The following SYN2 variants were observed in gnomAD, a reference collection of about 807,000 sequenced individuals.
The protein encoded by SYN2 is synapsin-2.
A neutral mutation model predicts 50.9 loss-of-function variants in SYN2; 19 were observed. The observed-to-expected ratio is 0.37, with a 90% CI of 0.26 to 0.55. The LOEUF is 0.55. SYN2 is among the 20% of genes least tolerant of loss of function. The pLI is 0.81. For missense variants in SYN2, 587 were observed against 576.4 expected, an observed-to-expected ratio of 1.02 and a Z score of -0.19; for synonymous variants, 255 against 224.9, an observed-to-expected ratio of 1.13 and a Z score of -1.20.
intron 1 of SYN2, among the ~76,000 whole-genome samples, chr3:12,062,382 T>A (rs1042865955): frequency 2.0e-5 from 3 of 151,972 alleles, no homozygotes; most frequent in African/African-American, 7.2e-5. Flanking sequence ...AAATCTGAAA[T>A]TTAAAACTAG....
chr3:12,149,917 A>T (rs1159247743), intron 4 of SYN2, among the ~76,000 whole-genome samples: 2 of 152,232 alleles, frequency 1.3e-5, no homozygotes, highest in African/African-American at 2.4e-5. Flanking sequence ...TGAGGAACTG[A>T]TCAAATTTAA....
At chr3:12,174,702 G>A (rs553193502) in intron 10 of SYN2, among the ~76,000 whole-genome samples, 5 of 152,056 alleles carry the variant, frequency 3.3e-5, no homozygotes, top group African/African-American at 1.2e-4. Context: ...AGATGGTCTC[G>A]ATCTCCTGAC....
At chr3:12,045,306 A>G (rs962310084) in intron 1 of SYN2, among the ~76,000 whole-genome samples, 2 of 152,162 alleles carry the variant, frequency 1.3e-5, no homozygotes, top group Non-Finnish European at 2.9e-5. Context: ...AGTTTTTCTG[A>G]TGCAGTAAAA....
In SYN2 at chr3:12,169,922, G is replaced by A. The variant is rs1299127171; in HGVS notation, c.1308+16G>A. 2 of 1,595,392 alleles carry A rather than the reference G, an allele frequency of 1.3e-6. No homozygotes were observed. The highest frequency in any genetic ancestry group is 1.8e-5 in the Admixed American group (1 of 57,050). On this transcript the variant is annotated intron_variant, in intron 10 of 12. Coordinates refer to ENST00000621198, the MANE Select transcript of SYN2 (RefSeq NM_133625.6). ...GCAGCCACAGGTAAGCAGCTAGGAA[G>A]AGACATAGCAGAGCCAAGAACCATT...
Position 12,035,840 on chromosome 3 carries a change from C to T in SYN2, c.377+30912C>T, listed in dbSNP as rs73135655. On this transcript the variant is annotated intron_variant, in intron 1 of 12. Coordinates refer to ENST00000621198, the MANE Select transcript of SYN2 (RefSeq NM_133625.6). The stretch of plus-strand genomic sequence containing the variant: ...ATGGTGGAAGACAGAGTTCAGTCCT[C>T]ATTTCCTCTTTGTCTGAGGTCTGCA... Among the ~76,000 whole-genome samples, 1,173 of 152,290 alleles carry T rather than the reference C, an allele frequency of 7.7e-3. 11 individuals are homozygous for T. Among genetic ancestry groups the T allele is most frequent in the African/African-American group, 0.027 (1,115 of 41,562 alleles).
In SYN2 at chr3:12,191,111, C is replaced by A; in HGVS notation, c.*486C>A. 2 of 986,606 alleles carry A rather than the reference C, an allele frequency of 2.0e-6. No homozygotes were observed. The highest frequency in any genetic ancestry group is 2.4e-6 in the Non-Finnish European group (2 of 830,784). 61.1% of individuals were successfully genotyped at this position (986,606 alleles called of 1,614,324 possible). A position where few individuals can be genotyped will look rare whatever the true frequency, so the allele number is the denominator to read the frequency against. On this transcript the variant is annotated 3_prime_UTR_variant, in exon 13 of 13. Transcript: ENST00000621198. ...TAGGAACTTTCCCCGACCTGGATCC[C>A]TTGTCATACCTGTGTTACTGTTTAA...
chr3:12,048,909 G>T (rs1181750568), intron 1 of SYN2, among the ~76,000 whole-genome samples: 1 of 152,112 alleles, frequency 6.6e-6, no homozygotes, highest in African/African-American at 2.4e-5. Context: ...TCATTATATC[G>T]TTGGTTTATG....
At chr3:12,041,876 A>G (rs1291266041) in intron 1 of SYN2, among the ~76,000 whole-genome samples, 4 of 152,170 alleles carry the variant, frequency 2.6e-5, no homozygotes, top group Admixed American at 2.6e-4. Flanking sequence ...AGTCCTCCAG[A>G]TATAATATTC....
chr3:12,004,506 G>C lies in SYN2; in HGVS notation c.-46G>C. The C allele has an allele frequency of 2.1e-6, 1 of 482,972 alleles. No individual in the cohort carries two copies. The allele number at this position is 482,972 out of a possible 1,614,324, so 29.9% of individuals were successfully genotyped here. A position where few individuals can be genotyped will look rare whatever the true frequency, so the allele number is the denominator to read the frequency against. Reference sequence around the variant, plus strand: ...CCTTCCGCCCTCGCTCTCCCTCCGCGCCACCAGACCCCGTAGCCCCGCGCG... The same window carrying C: ...CCTTCCGCCCTCGCTCTCCCTCCGCCCCACCAGACCCCGTAGCCCCGCGCG... On this transcript the variant is annotated 5_prime_UTR_variant, in exon 1 of 13. Transcript: ENST00000621198.
At chr3:12,139,098 G>T (rs983039933) in intron 1 of SYN2, among the ~76,000 whole-genome samples, 4 of 152,168 alleles carry the variant, frequency 2.6e-5, no homozygotes, top group African/African-American at 9.7e-5. Context: ...GCAGAGGTGG[G>T]GGGTGGACTT....
chr3:12,149,417 G>A (rs1404491455), intron 4 of SYN2, among the ~76,000 whole-genome samples: 1 of 152,214 alleles, frequency 6.6e-6, no homozygotes, highest in Non-Finnish European at 1.5e-5. Flanking sequence ...AGGCAGGAAA[G>A]GTCTGAGGGT....
intron 1 of SYN2, among the ~76,000 whole-genome samples, chr3:12,034,884 G>A (rs1052531047): frequency 6.6e-6 from 1 of 152,138 alleles, no homozygotes; most frequent in African/African-American, 2.4e-5. Context: ...AGTGCCGATG[G>A]CCTTCAAAGT....
intron 1 of SYN2, among the ~76,000 whole-genome samples, chr3:12,023,371 C>T (rs756494257): frequency 6.6e-6 from 1 of 151,204 alleles, no homozygotes; most frequent in African/African-American, 2.4e-5. Context: ...TCCCCCCCCA[C>T]CCCCAAAGAA....
intron 11 of SYN2, chr3:12,185,341 C>CT (rs1698317518): frequency 1.0e-6 from 1 of 985,574 alleles, no homozygotes; most frequent in Admixed American, 6.2e-5. Flanking sequence ...ACATCTGGTG[C>CT]TTTTCATGTG....
chr3:12,183,623 G>A (rs759423413), intron 11 of SYN2: 22 of 1,440,846 alleles, frequency 1.5e-5, no homozygotes, highest in South Asian at 7.4e-5. Context: ...GTTCCTGTTC[G>A]TGCTTGTAAT....
At chr3:12,147,704 ACT>A (rs1230834486) in intron 4 of SYN2, among the ~76,000 whole-genome samples, 5 of 151,918 alleles carry the variant, frequency 3.3e-5, no homozygotes, top group African/African-American at 9.7e-5. Context: ...CTGCTTATCA[ACT>A]CTCTGACCGA....
chr3:12,148,458 G>C (rs1400417066), intron 4 of SYN2: 1 of 152,352 alleles, frequency 6.6e-6, no homozygotes, highest in African/African-American at 2.4e-5. Flanking sequence ...ACTTTGGGTT[G>C]TGTTTCTCAA....
At chr3:12,083,772 A>G (rs1695631452) in intron 1 of SYN2, among the ~76,000 whole-genome samples, 2 of 152,116 alleles carry the variant, frequency 1.3e-5, no homozygotes, top group African/African-American at 4.8e-5. Flanking sequence ...GCTAGTTTTA[A>G]TCTGTCTGGA....
At chr3:12,109,134 A>AT (rs1241062292) in intron 1 of SYN2, among the ~76,000 whole-genome samples, 1 of 152,198 alleles carries the variant, frequency 6.6e-6, no homozygotes. Context: ...TGGACTCAAG[A>AT]TAGGAACACA....
Sources: gnomAD v4.1 joint callset for allele counts (sites outside exome capture counted in the v4.1 genomes callset) on GRCh38, gnomAD v4.1.1 for gene constraint, MANE v1.5 for transcripts, NCBI Gene and HGNC (gene_info 2026-07-23, HGNC 2026-07-21) for gene names.